Variants in TRIM5 observed in about 807,000 individuals in gnomAD.
TRIM5 encodes tripartite motif-containing protein 5.
A neutral mutation model predicts 35.6 loss-of-function variants in TRIM5; 31 were observed. The ratio of observed to expected loss-of-function variants is 0.87; its 90% CI spans 0.65 to 1.18. The LOEUF (loss-of-function observed/expected upper bound fraction) is 1.18. Ranked by LOEUF, TRIM5 falls within the 50% of genes most tolerant of loss-of-function variation. The pLI is 0.00. For missense variants in TRIM5, 609 were observed against 591.6 expected (o/e 1.03, Z -0.31); for synonymous variants, 243 against 215.6 (o/e 1.13, Z -1.11).
At chr11:5,634,911 T>C in the TRIM5 span, 1 of 1,575,236 alleles carries the variant, frequency 6.3e-7, no homozygotes, top group South Asian at 1.1e-5. Context: ...TTCCCTCCTG[T>C]GTCCTTGCGT....
chr11:5,681,160 G>A (rs4992799), intron 1 of TRIM5, among the ~76,000 whole-genome samples: 84,135 of 151,958 alleles, frequency 0.55, 23,410 homozygotes, highest in African/African-American at 0.6. Context: ...AAAACTAGAA[G>A]CACAGAGGCA....
intron 4 of TRIM5, among the ~76,000 whole-genome samples, chr11:5,674,806 G>A (rs770806804): frequency 5.3e-5 from 8 of 152,200 alleles, no homozygotes; most frequent in Non-Finnish European, 1.2e-4. Flanking sequence ...GACAAATACT[G>A]TATAACATCA....
At chr11:5,630,936 A>T in the TRIM5 span, among the ~76,000 whole-genome samples, 1 of 152,242 alleles carries the variant, frequency 6.6e-6, no homozygotes, top group Non-Finnish European at 1.5e-5. Flanking sequence ...TTTCCAAAAT[A>T]AACACATGAA....
At chr11:5,643,600 G>GA in the TRIM5 span, 1 of 1,614,044 alleles carries the variant, frequency 6.2e-7, no homozygotes, top group Non-Finnish European at 8.5e-7. Flanking sequence ...ACAAGCCATG[G>GA]CTCCCTCATT....
At chr11:5,608,088 C>A in the TRIM5 span, among the ~76,000 whole-genome samples, 1 of 152,170 alleles carries the variant, frequency 6.6e-6, no homozygotes, top group Non-Finnish European at 1.5e-5. Flanking sequence ...AGGCACAATG[C>A]CTGACAAATA....
At chr11:5,670,136 C>T (rs1400507902) in intron 4 of TRIM5, among the ~76,000 whole-genome samples, 1 of 149,430 alleles carries the variant, frequency 6.7e-6, no homozygotes, top group Non-Finnish European at 1.5e-5. Context: ...TTTAGGCTTG[C>T]ATGGCATTTG....
chr11:5,660,652 T>A (rs145908809), downstream of TRIM5, among the ~76,000 whole-genome samples: 79 of 152,308 alleles, frequency 5.2e-4, no homozygotes, highest in Middle Eastern at 0.01. Flanking sequence ...CTGCCGGATT[T>A]TTTTTTCAGT....
At chr11:5,599,622 C>A in the TRIM5 span, among the ~76,000 whole-genome samples, 1 of 152,160 alleles carries the variant, frequency 6.6e-6, no homozygotes. Context: ...CCAGGATGGT[C>A]TCGATCTCCT....
the TRIM5 span, among the ~76,000 whole-genome samples, chr11:5,657,652 TATATA>T: frequency 2.6e-5 from 3 of 117,248 alleles, no homozygotes; most frequent in Admixed American, 1.1e-4. Flanking sequence ...TTATATATTA[TATATA>T]ATATATATTT....
the TRIM5 span, among the ~76,000 whole-genome samples, chr11:5,647,665 G>C: frequency 6.6e-6 from 1 of 152,090 alleles, no homozygotes; most frequent in Non-Finnish European, 1.5e-5. Context: ...TAGGACTACA[G>C]GCACACGCCA....
At chr11:5,675,244 A>G (rs569796290) in intron 4 of TRIM5, among the ~76,000 whole-genome samples, 1 of 152,190 alleles carries the variant, frequency 6.6e-6, no homozygotes, top group South Asian at 2.1e-4. Flanking sequence ...CAAAATGAAA[A>G]TATGCGGCCC....
the TRIM5 span, among the ~76,000 whole-genome samples, chr11:5,646,949 CA>C: frequency 1.3e-5 from 2 of 152,050 alleles, no homozygotes; most frequent in Admixed American, 6.6e-5. Context: ...AAAAAACAAA[CA>C]AAAAAACTTT....
At position 5,664,663 on chromosome 11, in the gene TRIM5, A is replaced by T. The variant is rs1850988842; in HGVS notation, c.*146T>A. The stretch of plus-strand genomic sequence containing the variant: ...CAATATGGCACAAGGCAATTATTAC[A>T]TTTTACTGATGAGTGAAGGACGTTC... On this transcript the variant is annotated 3_prime_UTR_variant, in exon 8 of 8. Coordinates refer to ENST00000380034, the MANE Select transcript of TRIM5 (RefSeq NM_033034.3). 4.3e-6 allele frequency: 6 copies of T among 1,407,314 alleles called. No individual in the cohort carries two copies. The Admixed American group carries it at 1.0e-4, about 23-fold the overall frequency. 87.2% of individuals were successfully genotyped at this position (1,407,314 alleles called of 1,614,324 possible).
the TRIM5 span, among the ~76,000 whole-genome samples, chr11:5,601,113 G>A: frequency 6.6e-6 from 1 of 152,284 alleles, no homozygotes; most frequent in South Asian, 2.1e-4. Flanking sequence ...GGATCCTGCT[G>A]AAGTTTAAGA....
At chr11:5,608,599 A>C in the TRIM5 span, among the ~76,000 whole-genome samples, 1 of 152,104 alleles carries the variant, frequency 6.6e-6, no homozygotes, top group South Asian at 2.1e-4. Context: ...ATGGGAGGTC[A>C]GTAGGTGGGG....
the TRIM5 span, among the ~76,000 whole-genome samples, chr11:5,629,832 C>G: frequency 6.6e-6 from 1 of 152,154 alleles, no homozygotes. Flanking sequence ...CTTAGCCTCC[C>G]GAGTAGCTGG....
chr11:5,618,970 T>C, the TRIM5 span, among the ~76,000 whole-genome samples: 1 of 152,230 alleles, frequency 6.6e-6, no homozygotes, highest in Non-Finnish European at 1.5e-5. Context: ...GCAGGCTTCA[T>C]GTCATTGGGT....
chr11:5,679,194 G>T, intron 2 of TRIM5, 25 bp from the exon 3 acceptor site: 2 of 1,600,394 alleles, frequency 1.2e-6, no homozygotes, highest in Non-Finnish European at 1.7e-6. Flanking sequence ...TCACACCATA[G>T]TCAAGCTATG....
chr11:5,673,994 A>T (rs1347448947), intron 4 of TRIM5, among the ~76,000 whole-genome samples: 1 of 152,144 alleles, frequency 6.6e-6, no homozygotes, highest in Non-Finnish European at 1.5e-5. Context: ...GAAAAGGAAC[A>T]ACAAAAAACT....
Sources: gnomAD v4.1 joint callset for allele counts (sites outside exome capture counted in the v4.1 genomes callset) on GRCh38, gnomAD v4.1.1 for gene constraint, MANE v1.5 for transcripts, NCBI Gene and HGNC (gene_info 2026-07-23, HGNC 2026-07-21) for gene names.